Variants in HACD2 observed in about 807,000 individuals in gnomAD.
HACD2 encodes 3-hydroxyacyl-CoA dehydratase 2.
In HACD2, 15 loss-of-function variants were observed where a neutral mutation model predicts 31.0. The ratio of observed to expected loss-of-function variants is 0.48; its 90% CI spans 0.32 to 0.75. The LOEUF (loss-of-function observed/expected upper bound fraction) is 0.75, where lower values mean the gene tolerates loss of function less well. Ranked by LOEUF, HACD2 falls within the 30% of genes least tolerant of loss-of-function variation. HACD2 has a pLI of 0.03. For synonymous variants in HACD2, 115 were observed against 122.2 expected (o/e 0.94, Z 0.39); for missense variants, 283 against 313.0 (o/e 0.90, Z 0.72).
chr3:123,504,530 T>TTA (rs2055948668), intron 4 of HACD2, among the ~76,000 whole-genome samples: 1 of 141,262 alleles, frequency 7.1e-6, no homozygotes, highest in African/African-American at 2.6e-5. Context: ...TTCAAATAGG[T>TTA]AAAAAAAAAA....
chr3:123,528,253 G>A (rs1404212608), intron 4 of HACD2, 133 bp downstream of exon 4: 7 of 638,616 alleles, frequency 1.1e-5, no homozygotes, highest in African/African-American at 3.6e-5. Flanking sequence ...GTGAATGTGA[G>A]CTTTATCTCA....
intron 3 of HACD2, among the ~76,000 whole-genome samples, chr3:123,554,674 A>G (rs1407151837): frequency 6.6e-6 from 1 of 152,192 alleles, no homozygotes; most frequent in Non-Finnish European, 1.5e-5. Flanking sequence ...TATATGAAAG[A>G]TTTTCAAACT....
intron 2 of HACD2, among the ~76,000 whole-genome samples, chr3:123,574,589 TCTTC>T (rs1192139048): frequency 6.6e-6 from 1 of 152,166 alleles, no homozygotes; most frequent in African/African-American, 2.4e-5. Flanking sequence ...CTGCCTATTG[TCTTC>T]CTTTTTCAAA....
At chr3:123,569,473 C>T (rs148870258) in intron 2 of HACD2, among the ~76,000 whole-genome samples, 8 of 152,204 alleles carry the variant, frequency 5.3e-5, no homozygotes, top group African/African-American at 1.7e-4. Flanking sequence ...GCGATCCTCC[C>T]ACCTCAGCCT....
chr3:123,498,133 G>A (rs973193375), intron 6 of HACD2, among the ~76,000 whole-genome samples: 1 of 152,198 alleles, frequency 6.6e-6, no homozygotes, highest in African/African-American at 2.4e-5. Context: ...AGTGAGGCCA[G>A]CAGGCACCAG....
At chr3:123,564,078 T>C (rs2056765432) in intron 3 of HACD2, among the ~76,000 whole-genome samples, 1 of 152,194 alleles carries the variant, frequency 6.6e-6, no homozygotes. Flanking sequence ...GAGCATACAC[T>C]ATCGACAAGG....
At chr3:123,508,086 G>A (rs1325568437) in intron 4 of HACD2, among the ~76,000 whole-genome samples, 1 of 152,148 alleles carries the variant, frequency 6.6e-6, no homozygotes, top group African/African-American at 2.4e-5. Flanking sequence ...AGGGAAAAGG[G>A]AGATGATGAA....
intron 3 of HACD2, among the ~76,000 whole-genome samples, chr3:123,531,771 T>C (rs1012188076): frequency 6.6e-6 from 1 of 152,238 alleles, no homozygotes; most frequent in African/African-American, 2.4e-5. Context: ...TTAAGAATTT[T>C]CCTTCTCTTC....
intron 2 of HACD2, among the ~76,000 whole-genome samples, chr3:123,578,720 C>T (rs2056934161): frequency 6.6e-6 from 1 of 152,138 alleles, no homozygotes; most frequent in Non-Finnish European, 1.5e-5. Flanking sequence ...TAAGTAAACT[C>T]CCACAGAACC....
chr3:123,505,209 G>A (rs1259348180), intron 4 of HACD2, among the ~76,000 whole-genome samples: 1 of 152,178 alleles, frequency 6.6e-6, no homozygotes, highest in Non-Finnish European at 1.5e-5. Flanking sequence ...TACCTAGGGT[G>A]AGGCAGAGAC....
At position 123,525,921 on chromosome 3, in the gene HACD2, C is replaced by T. The variant is rs942182892; in HGVS notation, c.381+2465G>A. 2.6e-5 allele frequency among the ~76,000 whole-genome samples: 4 copies of T among 152,230 alleles called. No homozygotes were observed. In the East Asian group the frequency reaches 5.8e-4, roughly 22 times the overall value. The stretch of plus-strand genomic sequence containing the variant: ...ACATTTTTAAGATGCTTCAGGAAAT[C>T]GAAGAACAGAAGTCATATGTGATGT... On this transcript the variant is annotated intron_variant, in intron 4 of 6. Coordinates refer to ENST00000383657, the MANE Select transcript of HACD2 (RefSeq NM_198402.5).
intron 4 of HACD2, among the ~76,000 whole-genome samples, chr3:123,521,027 A>T (rs755029851): frequency 1.3e-5 from 2 of 152,214 alleles, no homozygotes; most frequent in Non-Finnish European, 1.5e-5. Flanking sequence ...AACTGCAAGT[A>T]ACCAGATTTA....
At chr3:123,498,427 C>T (rs927108119) in intron 6 of HACD2, among the ~76,000 whole-genome samples, 5 of 152,160 alleles carry the variant, frequency 3.3e-5, no homozygotes, top group Non-Finnish European at 5.9e-5. Flanking sequence ...GGTCCCCAAC[C>T]GCCACCTGTT....
intron 2 of HACD2, among the ~76,000 whole-genome samples, chr3:123,568,050 T>A (rs1331177524): frequency 2.6e-5 from 4 of 152,216 alleles, no homozygotes; most frequent in Non-Finnish European, 5.9e-5. Flanking sequence ...CAGTAGCTTA[T>A]CAGATATCAA....
chr3:123,499,862 C>T (rs1006670154), intron 6 of HACD2, among the ~76,000 whole-genome samples: 8 of 152,182 alleles, frequency 5.3e-5, no homozygotes, highest in Non-Finnish European at 7.3e-5. Flanking sequence ...GGGCTCACTT[C>T]ACAGAGACAT....
At chr3:123,543,752 A>G in intron 3 of HACD2, 1 of 322,238 alleles carries the variant, frequency 3.1e-6, no homozygotes. Context: ...TCTAAAAGGA[A>G]ACACAGAAAA....
intron 3 of HACD2, chr3:123,543,659 T>G: frequency 2.4e-6 from 1 of 415,278 alleles, no homozygotes; most frequent in Non-Finnish European, 4.7e-6. Context: ...ATGATTATAT[T>G]AAAGGAAAAA....
intron 4 of HACD2, among the ~76,000 whole-genome samples, chr3:123,514,810 T>C (rs1035648744): frequency 7.2e-5 from 11 of 152,244 alleles, no homozygotes; most frequent in Non-Finnish European, 1.5e-4. Flanking sequence ...AAGATAATGA[T>C]AGTTCCCATT....
intron 3 of HACD2, among the ~76,000 whole-genome samples, chr3:123,538,063 C>T (rs2056447269): frequency 6.6e-6 from 1 of 152,090 alleles, no homozygotes; most frequent in South Asian, 2.1e-4. Flanking sequence ...AAAACAGGAG[C>T]CGGAGCAGAT....
Sources: gnomAD v4.1 joint callset for allele counts (sites outside exome capture counted in the v4.1 genomes callset) on GRCh38, gnomAD v4.1.1 for gene constraint, MANE v1.5 for transcripts, NCBI Gene and HGNC (gene_info 2026-07-23, HGNC 2026-07-21) for gene names.